The following MIEN1 variants were observed in gnomAD, a reference collection of about 807,000 sequenced individuals.
The protein encoded by MIEN1 is HBV X-transactivated gene 4 protein.
A neutral mutation model predicts 15.5 loss-of-function variants in MIEN1; 12 were observed. That is an observed-to-expected ratio of 0.78 (90% confidence interval 0.50 to 1.26). The LOEUF is 1.26. Ranked by LOEUF, MIEN1 falls within the 50% of genes most tolerant of loss-of-function variation. The pLI is 0.00. For missense variants in MIEN1, 160 were observed against 151.7 expected, an observed-to-expected ratio of 1.05 and a Z score of -0.29; for synonymous variants, 63 against 62.8, an observed-to-expected ratio of 1.00 and a Z score of -0.02.
rs532349193 is a variant in MIEN1, at chr17:39,730,482, G to A, written c.14C>T (p.Pro5Leu). Residue 5 changes from proline (P) to leucine (L), a missense_variant, in exon 1 of 4, where the codon CCG (proline) becomes CTG (leucine). Physicochemically the swap from Pro to Leu is moderately conservative, Grantham distance 98. Transcript: ENST00000394231. The part of the protein sequence containing the change: MSGE[P>L]GQTSVAPPPE... ...AGGGGGCGCTACGGACGTCTGCCCC[G>A]GCTCCCCGCTCATCGCGGCCGGCTC... 2.7e-5 allele frequency: 41 copies of A among 1,536,302 alleles called. No individual in the cohort carries two copies. Among genetic ancestry groups the A allele is most frequent in the Non-Finnish European group, 3.6e-5 (41 of 1,144,468 alleles).
rs1419374412 is a variant in MIEN1 at position 39,730,508 on chromosome 17, C to A, written c.-13G>T. 6.5e-7 allele frequency: 1 copy of A among 1,526,856 alleles called. No individual in the cohort carries two copies. Among genetic ancestry groups the A allele is most frequent in the Non-Finnish European group, 8.8e-7 (1 of 1,142,634 alleles). 94.6% of individuals were successfully genotyped at this position (1,526,856 alleles called of 1,614,324 possible). A position where few individuals can be genotyped will look rare whatever the true frequency, so the allele number is the denominator to read the frequency against. ...GCTCCCCGCTCATCGCGGCCGGCTC[C>A]GCTCGGGCCCCTGCTTCCGGGTGTG... On this transcript the variant is annotated 5_prime_UTR_variant, in exon 1 of 4. Coordinates refer to ENST00000394231, the MANE Select transcript of MIEN1 (RefSeq NM_032339.5).
In MIEN1 at chr17:39,729,170, G is replaced by A. The variant is rs2059917393; in HGVS notation, c.*352C>T. On this transcript the variant is annotated 3_prime_UTR_variant, in exon 4 of 4. Coordinates refer to ENST00000394231, the MANE Select transcript of MIEN1 (RefSeq NM_032339.5). The stretch of plus-strand genomic sequence containing the variant: ...ACTAGTTAGCATTAGTGTTTGTAGC[G>A]CCACTTTACTGCCAATAGCTGACAT... 6.5e-6 allele frequency: 2 copies of A among 308,302 alleles called. No homozygotes were observed. Among genetic ancestry groups the A allele is most frequent in the Non-Finnish European group, 1.2e-5 (2 of 163,282 alleles). 19.1% of individuals were successfully genotyped at this position (308,302 alleles called of 1,614,324 possible). A position where few individuals can be genotyped will look rare whatever the true frequency, so the allele number is the denominator to read the frequency against.
rs1431032057 is a variant in MIEN1 at position 39,730,294 on chromosome 17, G to A, written c.90-3C>T. 6.2e-7 allele frequency: 1 copy of A among 1,602,828 alleles called. No homozygotes were observed. On this transcript the variant is annotated splice_polypyrimidine_tract_variant and splice_region_variant and intron_variant, in intron 1 of 3. Transcript: ENST00000394231. ...TCGCCTCGAAGCCGCAGGGTTCACT[G>A]GGGAGTCAAGAGATGGGGCTGGGCT... is the stretch of plus-strand genomic sequence containing the variant.
rs778208536 is a variant in MIEN1 at position 39,729,494 on chromosome 17, CAG to C, written c.*26_*27del. ...GGAGACCAAGGTTTGGACCCCAGAA[CAG>C]AGCAGGAACCCAGAGTCCTGTGCAG... On this transcript the variant is annotated 3_prime_UTR_variant, in exon 4 of 4. Transcript: ENST00000394231. The C allele has an allele frequency of 1.2e-6, 2 of 1,612,736 alleles. No homozygotes were observed. Among genetic ancestry groups the C allele is most frequent in the East Asian group, 2.2e-5 (1 of 44,874 alleles).
Position 39,729,589 on chromosome 17 carries a change from C to A in MIEN1, c.281G>T (p.Arg94Leu). 1 of 1,614,076 alleles carries A rather than the reference C, an allele frequency of 6.2e-7. No homozygotes were observed. Among genetic ancestry groups the A allele is most frequent in the Non-Finnish European group, 8.5e-7 (1 of 1,180,012 alleles). The part of the protein sequence containing the change: ...PYEKDLIEAI[R>L]RASNGETLEK... ...TAGGGTTTCTCCATTACTGGCTCTT[C>A]GGATGGCCTCAATGAGCTAGAGGAG... is the stretch of plus-strand genomic sequence containing the variant. The change falls in exon 4 of 4, where the codon CGA becomes CTA. Residue 94 changes from arginine (R) to leucine (L), a missense_variant. Arg to Leu is a moderately radical substitution (Grantham distance 102). Transcript: ENST00000394231.
Position 39,729,686 on chromosome 17 carries a change from T to G in MIEN1, c.263A>C (p.Asp88Ala). Reference sequence around the variant, plus strand: ...CCTCCCAACGCTGTAAATACTCACATCTTTCTCATAGGGAAAGCCCCCATT... The same window carrying G: ...CCTCCCAACGCTGTAAATACTCACAGCTTTCTCATAGGGAAAGCCCCCATT... Reference protein sequence around the residue: ...LENGGFPYEKDLIEAIRRASN... With the variant: ...LENGGFPYEKALIEAIRRASN... Residue 88 changes from aspartate (D) to alanine (A), a missense_variant and splice_region_variant, in exon 3 of 4, where the codon GAT (aspartate) becomes GCT (alanine). Transcript: ENST00000394231. The G allele has an allele frequency of 2.5e-6, 4 of 1,614,174 alleles. No homozygotes were observed. Among genetic ancestry groups the G allele is most frequent in the Non-Finnish European group, 3.4e-6 (4 of 1,180,016 alleles).
In MIEN1 at chr17:39,729,472, G is replaced by A. The variant is rs959119454; in HGVS notation, c.*50C>T. On this transcript the variant is annotated 3_prime_UTR_variant, in exon 4 of 4. Coordinates refer to ENST00000394231, the MANE Select transcript of MIEN1 (RefSeq NM_032339.5). ...GGAGCTCCCAGCAGGACCAAAGGGA[G>A]ACCAAGGTTTGGACCCCAGAACAGA... The A allele has an allele frequency of 1.2e-5, 19 of 1,611,438 alleles. No individual in the cohort carries two copies. Among genetic ancestry groups the A allele is most frequent in the Middle Eastern group, 2.1e-4 (1 of 4,656 alleles).
chr17:39,729,492 A>G lies in MIEN1; in HGVS notation c.*30T>C. 1 of 1,612,770 alleles carries G rather than the reference A, an allele frequency of 6.2e-7. No individual in the cohort carries two copies. Among genetic ancestry groups the G allele is most frequent in the Non-Finnish European group, 8.5e-7 (1 of 1,179,986 alleles). On this transcript the variant is annotated 3_prime_UTR_variant, in exon 4 of 4. Coordinates refer to ENST00000394231, the MANE Select transcript of MIEN1 (RefSeq NM_032339.5). ...AGGGAGACCAAGGTTTGGACCCCAG[A>G]ACAGAGCAGGAACCCAGAGTCCTGT...
rs1479889639 is a variant in MIEN1, at chr17:39,730,458, G to C, written c.38C>G (p.Pro13Arg). 6.5e-7 allele frequency: 1 copy of C among 1,546,916 alleles called. No homozygotes were observed. The highest frequency in any genetic ancestry group is 2.4e-5 in the East Asian group (1 of 40,858). The change falls in exon 1 of 4, where the codon CCT becomes CGT. Residue 13 changes from proline (P) to arginine (R), a missense_variant. Physicochemically the swap from Pro to Arg is moderately radical, Grantham distance 103. Transcript: ENST00000394231. ...ACTGCCCGGCTCGACCTCCTCGGGAGGGGGCGCTACGGACGTCTGCCCCGG... is the reference window on the plus strand; with the variant it reads ...ACTGCCCGGCTCGACCTCCTCGGGACGGGGCGCTACGGACGTCTGCCCCGG... ...GEPGQTSVAPPPEEVEPGSGV... is the reference protein window; with the variant it reads ...GEPGQTSVAPRPEEVEPGSGV...
chr17:39,728,953 G>A lies in MIEN1; in HGVS notation c.*569C>T, dbSNP rs1475064315. On this transcript the variant is annotated 3_prime_UTR_variant, in exon 4 of 4. Coordinates refer to ENST00000394231, the MANE Select transcript of MIEN1 (RefSeq NM_032339.5). The stretch of plus-strand genomic sequence containing the variant: ...GTGAGGAGAGTGGTGGGTAGGGTGG[G>A]GGAAAGACGAGGCAGGGTCTACTGT... The A allele has an allele frequency of 1.2e-5, 2 of 172,564 alleles. No individual in the cohort carries two copies. Among genetic ancestry groups the A allele is most frequent in the African/African-American group, 2.4e-5 (1 of 41,922 alleles). The allele number at this position is 172,564 out of a possible 1,614,324, so 10.7% of individuals were successfully genotyped here.
rs1459702201 is a variant in MIEN1 at position 39,729,781 on chromosome 17, T to C, written c.188-20A>G. 5.0e-6 allele frequency: 8 copies of C among 1,614,048 alleles called. No homozygotes were observed. The South Asian group carries it at 7.7e-5, about 16-fold the overall frequency. On this transcript the variant is annotated intron_variant, in intron 2 of 3. Coordinates refer to ENST00000394231, the MANE Select transcript of MIEN1 (RefSeq NM_032339.5). ...AGGCACCTGGTAAGAAATCAACAGA[T>C]AAATGGTACACTGAGAACATAGGCA... is the stretch of plus-strand genomic sequence containing the variant.
chr17:39,728,878 A>G lies in MIEN1; in HGVS notation c.*644T>C, dbSNP rs1316345254. 1.6e-5 allele frequency: 3 copies of G among 187,626 alleles called. No individual in the cohort carries two copies. The highest frequency in any genetic ancestry group is 3.4e-5 in the Non-Finnish European group (3 of 89,238). 11.6% of individuals were successfully genotyped at this position (187,626 alleles called of 1,614,324 possible). A position where few individuals can be genotyped will look rare whatever the true frequency, so the allele number is the denominator to read the frequency against. On this transcript the variant is annotated 3_prime_UTR_variant, in exon 4 of 4. Transcript: ENST00000394231. ...GACCAGATCATTCTTATTTAGAACG[A>G]ACTAATTCCTAAGGCCACTCACCAG...
rs1351541046 is a variant in MIEN1, at chr17:39,730,213, C to A, written c.168G>T (p.Glu56Asp). 1.2e-6 allele frequency: 2 copies of A among 1,607,856 alleles called. No homozygotes were observed. Among genetic ancestry groups the A allele is most frequent in the Admixed American group, 3.3e-5 (2 of 59,770 alleles). The part of the protein sequence containing the change: ...VKEQYPGIEI[E>D]SRLGGTGAFE... ...CCTCACCTGTGCCCCCGAGGCGCGA[C>A]TCGATCTCGATGCCCGGATACTGCT... is the stretch of plus-strand genomic sequence containing the variant. Residue 56 changes from glutamate to aspartate, a missense_variant, in exon 2 of 4, where the codon GAG becomes GAT. By Grantham distance (45) the Glu-to-Asp change is conservative. Transcript: ENST00000394231.
chr17:39,729,896 C>G, intron 2 of MIEN1, 135 bp from the exon 3 acceptor site: 1 of 1,189,822 alleles, frequency 8.4e-7, no homozygotes, highest in Non-Finnish European at 1.2e-6. Context: ...TAAGCAATTC[C>G]CCAACCCTGG....
At position 39,728,955 on chromosome 17, in the gene MIEN1, G is replaced by C. The variant is rs1371295196; in HGVS notation, c.*567C>G. On this transcript the variant is annotated 3_prime_UTR_variant, in exon 4 of 4. Transcript: ENST00000394231. ...GAGGAGAGTGGTGGGTAGGGTGGGG[G>C]AAAGACGAGGCAGGGTCTACTGTGG... The C allele has an allele frequency of 5.8e-6, 1 of 171,870 alleles. No homozygotes were observed. Among genetic ancestry groups the C allele is most frequent in the African/African-American group, 2.4e-5 (1 of 41,896 alleles). 10.6% of individuals were successfully genotyped at this position (171,870 alleles called of 1,614,324 possible).
chr17:39,729,429 T>C lies in MIEN1; in HGVS notation c.*93A>G. 5 of 1,512,734 alleles carry C rather than the reference T, an allele frequency of 3.3e-6. No individual in the cohort carries two copies. Among genetic ancestry groups the C allele is most frequent in the Non-Finnish European group, 4.5e-6 (5 of 1,099,392 alleles). 93.7% of individuals were successfully genotyped at this position (1,512,734 alleles called of 1,614,324 possible). A position where few individuals can be genotyped will look rare whatever the true frequency, so the allele number is the denominator to read the frequency against. ...AGGGTCTCTTTGCTAAGGAGCTAAG[T>C]AGGGGAAAGAGGCAGGGGGAGCTCC... On this transcript the variant is annotated 3_prime_UTR_variant, in exon 4 of 4. Transcript: ENST00000394231.
intron 2 of MIEN1, 85 bp downstream of exon 2, chr17:39,730,109 T>C: frequency 7.5e-7 from 1 of 1,327,704 alleles, no homozygotes; most frequent in Non-Finnish European, 1.0e-6. Flanking sequence ...GCACTTTACA[T>C]AAAGCAGCCA....
Position 39,729,348 on chromosome 17 carries a change from C to T in MIEN1, c.*174G>A. On this transcript the variant is annotated 3_prime_UTR_variant, in exon 4 of 4. Coordinates refer to ENST00000394231, the MANE Select transcript of MIEN1 (RefSeq NM_032339.5). ...CATGGAGAGTGTCTCTCTCCTGCCC[C>T]CAAGGCCACGGAATCTTCTATTCCT... 1 of 760,278 alleles carries T rather than the reference C, an allele frequency of 1.3e-6. No individual in the cohort carries two copies. The highest frequency in any genetic ancestry group is 2.2e-6 in the Non-Finnish European group (1 of 464,368). The allele number at this position is 760,278 out of a possible 1,614,324, so 47.1% of individuals were successfully genotyped here.
Position 39,730,200 on chromosome 17 carries a change from C to T in MIEN1, c.181G>A (p.Gly61Ser). The T allele has an allele frequency of 6.2e-7, 1 of 1,604,646 alleles. No homozygotes were observed. ...PGIEIESRLGGTGAFEIEING... is the reference protein window; with the variant it reads ...PGIEIESRLGSTGAFEIEING... ...GGTGTTCTGCGAGCCTCACCTGTGC[C>T]CCCGAGGCGCGACTCGATCTCGATG... The change falls in exon 2 of 4, where the codon GGC becomes AGC. Residue 61 changes from glycine (G) to serine (S), a missense_variant. Transcript: ENST00000394231.
Sources: allele counts gnomAD v4.1 joint callset, GRCh38; gene constraint gnomAD v4.1.1; transcripts MANE v1.5; gene names NCBI Gene and HGNC (gene_info 2026-07-23, HGNC 2026-07-21).